The following PLSCR2 variants were observed in gnomAD, a reference collection of about 807,000 sequenced individuals.
The protein encoded by PLSCR2 is PL scramblase 2.
Under a neutral mutation model 25.3 loss-of-function variants are expected in PLSCR2, and 18 were observed. That is an observed-to-expected ratio of 0.71 (90% CI 0.49 to 1.06). The LOEUF (loss-of-function observed/expected upper bound fraction) is 1.06, where lower values mean the gene tolerates loss of function less well. PLSCR2 is among the 50% of genes least tolerant of loss of function. The pLI is 0.00. For synonymous variants in PLSCR2, 88 were observed against 87.3 expected, an observed-to-expected ratio of 1.01 and a Z score of -0.04; for missense variants, 243 against 269.5, an observed-to-expected ratio of 0.90 and a Z score of 0.69.
At chr3:146,469,594 G>A in intron 1 of PLSCR2, 33 bp from the exon 1 acceptor site, 1 of 985,192 alleles carries the variant, frequency 1.0e-6, no homozygotes, top group Non-Finnish European at 1.2e-6. Flanking sequence ...CTGTTGCACA[G>A]CCCTCCCGGA....
At position 146,449,378 on chromosome 3, in the gene PLSCR2, A is replaced by C. The variant is rs78896697; in HGVS notation, c.484-11T>G. On this transcript the variant is annotated splice_polypyrimidine_tract_variant and intron_variant, in intron 5 of 6. Transcript: ENST00000610787. ...ATCAAGAGATGTAATCTAAATTGCA[A>C]AAAAAAAAAAAACTTAAAAATTTCT... 7.2e-7 allele frequency: 1 copy of C among 1,398,422 alleles called. No individual in the cohort carries two copies. Among genetic ancestry groups the C allele is most frequent in the Admixed American group, 2.4e-5 (1 of 41,532 alleles). 86.6% of individuals were successfully genotyped at this position (1,398,422 alleles called of 1,614,324 possible). A position where few individuals can be genotyped will look rare whatever the true frequency, so the allele number is the denominator to read the frequency against.
At chr3:146,454,218 A>G in intron 4 of PLSCR2, 55 bp from the exon 5 acceptor site, 2 of 1,229,858 alleles carry the variant, frequency 1.6e-6, no homozygotes, top group Non-Finnish European at 2.2e-6. Flanking sequence ...AAAATATCTA[A>G]TAATAGCTCT....
intron 1 of PLSCR2, among the ~76,000 whole-genome samples, chr3:146,483,156 A>G (rs1273030232): frequency 1.3e-5 from 2 of 151,772 alleles, no homozygotes; most frequent in African/African-American, 4.8e-5. Flanking sequence ...AAGGGCTAAT[A>G]TCCAGAATCT....
At chr3:146,477,585 C>G (rs2108516684) in intron 1 of PLSCR2, among the ~76,000 whole-genome samples, 2 of 152,330 alleles carry the variant, frequency 1.3e-5, no homozygotes, top group Middle Eastern at 6.8e-3. Flanking sequence ...GGCCAGGAAG[C>G]TTGAACTGGA....
upstream of PLSCR2, chr3:146,461,876 A>G: frequency 7.3e-7 from 1 of 1,377,522 alleles, no homozygotes; most frequent in Non-Finnish European, 1.0e-6. Context: ...GATCTCATAT[A>G]TATCTTGCGA....
intron 2 of PLSCR2, among the ~76,000 whole-genome samples, chr3:146,427,188 T>A (rs1420449674): frequency 1.3e-5 from 2 of 152,184 alleles, no homozygotes; most frequent in African/African-American, 4.8e-5. Flanking sequence ...GATGGGTAAT[T>A]CAACAATTTT....
At chr3:146,393,164 G>A (rs2038148607) in intron 3 of PLSCR2, among the ~76,000 whole-genome samples, 1 of 149,106 alleles carries the variant, frequency 6.7e-6, no homozygotes, top group East Asian at 2.0e-4. Context: ...AAGTAGCTGG[G>A]ACTACAGGCG....
chr3:146,420,684 T>C (rs2039119024), intron 2 of PLSCR2, among the ~76,000 whole-genome samples: 1 of 152,082 alleles, frequency 6.6e-6, no homozygotes, highest in South Asian at 2.1e-4. Flanking sequence ...TTTTTAAATA[T>C]TGTCATGATA....
rs373787225 is a variant in PLSCR2, at chr3:146,418,960, C to T, written c.101-23039G>A. ...TTCAGAAGCATTAGCAAAAGGTTGT[C>T]CAGCCATTCCCTTTGCCTTCTCTCC... On this transcript the variant is annotated intron_variant and NMD_transcript_variant, in intron 2 of 3. Coordinates refer to the PLSCR2 transcript ENST00000463633. Among the ~76,000 whole-genome samples, 47 of 152,222 alleles carry T rather than the reference C, an allele frequency of 3.1e-4. No individual in the cohort carries two copies. The South Asian group carries it at 9.7e-3, about 32-fold the overall frequency.
intron 1 of PLSCR2, among the ~76,000 whole-genome samples, chr3:146,484,957 T>A (rs1252032850): frequency 1.3e-5 from 2 of 151,954 alleles, no homozygotes; most frequent in Non-Finnish European, 2.9e-5. Flanking sequence ...TAAACGTAAA[T>A]GGGCTAAATG....
chr3:146,449,339 A>G (rs2040754317), exon 6 of PLSCR2: 1 of 1,602,822 alleles, frequency 6.2e-7, no homozygotes, highest in Non-Finnish European at 8.5e-7. Context: ...AATCCTGCCA[A>G]CCACAATTTG....
At chr3:146,463,542 C>A (rs546514747), upstream of PLSCR2, among the ~76,000 whole-genome samples, 3 of 152,314 alleles carry the variant, frequency 2.0e-5, no homozygotes, top group South Asian at 6.2e-4. Flanking sequence ...CCATCCTAGT[C>A]TTTCCCACTG....
chr3:146,431,823 C>A (rs1422224879), downstream of PLSCR2, among the ~76,000 whole-genome samples: 1 of 150,592 alleles, frequency 6.6e-6, no homozygotes, highest in Non-Finnish European at 1.5e-5. Context: ...AATTCACAGG[C>A]CAAAAGGTTT....
exon 6 of PLSCR2, chr3:146,449,262 G>A (rs566667604): frequency 4.3e-6 from 7 of 1,612,828 alleles, no homozygotes; most frequent in African/African-American, 1.3e-5. Flanking sequence ...AGGTCTCTAG[G>A]GAATTGGATT....
chr3:146,476,169 G>A (rs918954617), intron 1 of PLSCR2, among the ~76,000 whole-genome samples: 2 of 152,094 alleles, frequency 1.3e-5, no homozygotes, highest in Non-Finnish European at 2.9e-5. Flanking sequence ...AAGACAGTGT[G>A]TGAATCCTGC....
At chr3:146,400,126 T>C (rs2038415005) in intron 2 of PLSCR2, among the ~76,000 whole-genome samples, 1 of 151,752 alleles carries the variant, frequency 6.6e-6, no homozygotes, top group African/African-American at 2.4e-5. Flanking sequence ...ATCCAGAGAG[T>C]AAATAAATAC....
At chr3:146,394,076 G>A (rs1482822299) in intron 3 of PLSCR2, among the ~76,000 whole-genome samples, 2 of 151,768 alleles carry the variant, frequency 1.3e-5, no homozygotes, top group Non-Finnish European at 2.9e-5. Flanking sequence ...TACCCATTTT[G>A]TTTCTGTTTC....
At chr3:146,463,742 C>T (rs536944341), upstream of PLSCR2, 1 of 384,144 alleles carries the variant, frequency 2.6e-6, no homozygotes, top group Non-Finnish European at 3.6e-6. Context: ...CCAACTCCTC[C>T]TACTGTGCAA....
chr3:146,473,303 C>CTTTTTTTT (rs35755415), intron 1 of PLSCR2, among the ~76,000 whole-genome samples: 1 of 121,348 alleles, frequency 8.2e-6, no homozygotes, highest in Non-Finnish European at 1.6e-5. Flanking sequence ...AAAGTACTAT[C>CTTTTTTTT]TTTTTTTTTT....
Sources: gnomAD v4.1 joint callset for allele counts (sites outside exome capture counted in the v4.1 genomes callset) on GRCh38, gnomAD v4.1.1 for gene constraint, MANE v1.5 for transcripts, NCBI Gene and HGNC (gene_info 2026-07-23, HGNC 2026-07-21) for gene names.